Variants in NEIL3 observed in about 807,000 individuals in gnomAD.
NEIL3 encodes the protein nei like DNA glycosylase 3.
Under a neutral mutation model 57.5 loss-of-function variants are expected in NEIL3, and 48 were observed. That is an observed-to-expected ratio of 0.83 (90% CI 0.66 to 1.06). The LOEUF (loss-of-function observed/expected upper bound fraction) is 1.06, where lower values mean the gene tolerates loss of function less well. NEIL3 is among the 50% of genes least tolerant of loss of function. The pLI is 0.00. For missense variants in NEIL3, 717 were observed against 739.1 expected, an observed-to-expected ratio of 0.97 and a Z score of 0.35; for synonymous variants, 261 against 253.2, an observed-to-expected ratio of 1.03 and a Z score of -0.29.
chr4:177,367,398 TCTG>T (rs1735706177), downstream of NEIL3, among the ~76,000 whole-genome samples: 1 of 150,218 alleles, frequency 6.7e-6, no homozygotes, highest in Admixed American at 6.7e-5. Flanking sequence ...TGTTCTTTCT[TCTG>T]ATGCTGCTGT....
rs546195019 is a variant in NEIL3, at chr4:177,358,419, T to C, written c.1461-2084T>C. ...GCCTCCCGGGTTCAAGGGATTCTTC[T>C]GACTCAGCCTCCCGAGTACCTGGGA... On this transcript the variant is annotated intron_variant, in intron 8 of 9. Transcript: ENST00000264596. Among the ~76,000 whole-genome samples, 712 of 152,296 alleles carry C rather than the reference T, an allele frequency of 4.7e-3. 3 individuals are homozygous for C. Among genetic ancestry groups the C allele is most frequent in the Non-Finnish European group, 7.5e-3 (513 of 68,022 alleles).
At chr4:177,345,313 A>T (rs557076983) in intron 6 of NEIL3, among the ~76,000 whole-genome samples, 1 of 152,300 alleles carries the variant, frequency 6.6e-6, no homozygotes, top group East Asian at 1.9e-4. Flanking sequence ...CACATGGGAA[A>T]GTATACAGGG....
rs1266475789 is a variant in NEIL3, at chr4:177,345,535, A to G, written c.869+3893A>G. On this transcript the variant is annotated intron_variant, in intron 6 of 9. Transcript: ENST00000264596. ...TGCACAATGTGCAGGTTTGTTACAT[A>G]TGTATACATGAGATGTTACATATGT... 4.0e-5 allele frequency among the ~76,000 whole-genome samples: 6 copies of G among 151,848 alleles called. No homozygotes were observed. The South Asian group carries it at 6.2e-4, about 16-fold the overall frequency.
Position 177,351,108 on chromosome 4 carries a change from G to A in NEIL3, c.870-272G>A, listed in dbSNP as rs1205133630. Among the ~76,000 whole-genome samples the A allele has an allele frequency of 5.5e-5, 8 of 146,194 alleles. No homozygotes were observed. The Admixed American group carries it at 5.8e-4, about 11-fold the overall frequency. On this transcript the variant is annotated intron_variant, in intron 6 of 9. Coordinates refer to ENST00000264596, the MANE Select transcript of NEIL3 (RefSeq NM_018248.3). The stretch of plus-strand genomic sequence containing the variant: ...AGTCCTAGCTACTCAGGAGATTCAG[G>A]TGGGAGGATTGTTTGAGTCCAGGAG...
intron 7 of NEIL3, 140 bp from the exon 8 acceptor site, chr4:177,353,168 T>C: frequency 1.5e-6 from 1 of 665,058 alleles, no homozygotes. Flanking sequence ...TTGTCTGAGC[T>C]AACTTTGTGT....
intron 8 of NEIL3, among the ~76,000 whole-genome samples, chr4:177,359,199 A>G (rs1382559491): frequency 6.6e-6 from 1 of 152,190 alleles, no homozygotes; most frequent in African/African-American, 2.4e-5. Context: ...TCTACCCTGG[A>G]AAAGTTACCA....
At chr4:177,339,164 A>G (rs1437467526) in intron 4 of NEIL3, among the ~76,000 whole-genome samples, 4 of 152,234 alleles carry the variant, frequency 2.6e-5, no homozygotes, top group South Asian at 2.1e-4. Flanking sequence ...TGACTCTTCA[A>G]AAACGTAACT....
At chr4:177,327,509 T>G (rs1734805275) in intron 2 of NEIL3, among the ~76,000 whole-genome samples, 1 of 152,214 alleles carries the variant, frequency 6.6e-6, no homozygotes, top group Admixed American at 6.5e-5. Context: ...GGTGGTTTGC[T>G]GCACCTATCA....
chr4:177,330,056 C>T (rs993122771), intron 2 of NEIL3, among the ~76,000 whole-genome samples: 12 of 152,086 alleles, frequency 7.9e-5, no homozygotes, highest in East Asian at 3.9e-4. Flanking sequence ...GGATTACAGA[C>T]GCCTGCTACC....
chr4:177,323,588 A>G (rs34231175), intron 2 of NEIL3, among the ~76,000 whole-genome samples: 77 of 152,294 alleles, frequency 5.1e-4, no homozygotes, highest in African/African-American at 1.7e-3. Context: ...TTAGTCTGGA[A>G]TTGATAACAT....
intron 2 of NEIL3, among the ~76,000 whole-genome samples, chr4:177,333,701 TC>T (rs1269017658): frequency 6.6e-6 from 1 of 152,206 alleles, no homozygotes; most frequent in African/African-American, 2.4e-5. Context: ...GGTGCTCACA[TC>T]GGGAATCATT....
At chr4:177,317,746 C>T (rs1734602477) in intron 1 of NEIL3, among the ~76,000 whole-genome samples, 1 of 151,782 alleles carries the variant, frequency 6.6e-6, no homozygotes, top group Non-Finnish European at 1.5e-5. Context: ...GGATTACAGG[C>T]ATGCACCACT....
At position 177,339,940 on chromosome 4, in the gene NEIL3, T is replaced by C. The variant is rs113043250; in HGVS notation, c.702+83T>C. 1.2e-5 allele frequency: 10 copies of C among 838,038 alleles called. No homozygotes were observed. In the African/African-American group the frequency reaches 1.7e-4, roughly 14 times the overall value. The allele number at this position is 838,038 out of a possible 1,614,324, so 51.9% of individuals were successfully genotyped here. The stretch of plus-strand genomic sequence containing the variant: ...AGTGCACCAAAAAATGTGAAAGCTG[T>C]ATATAGCCATCTAGTGGAAAGAGCA... On this transcript the variant is annotated intron_variant, in intron 5 of 9. Transcript: ENST00000264596.
intron 6 of NEIL3, among the ~76,000 whole-genome samples, chr4:177,347,773 T>C (rs898861866): frequency 6.6e-6 from 1 of 152,212 alleles, no homozygotes; most frequent in East Asian, 1.9e-4. Flanking sequence ...TGAAAAACAA[T>C]AAAAAATTAT....
intron 6 of NEIL3, among the ~76,000 whole-genome samples, chr4:177,347,708 G>A (rs909484196): frequency 6.6e-6 from 1 of 152,150 alleles, no homozygotes; most frequent in Non-Finnish European, 1.5e-5. Context: ...GATAATTTTG[G>A]AAGTTGAGTT....
chr4:177,321,337 C>T (rs1031277649), intron 1 of NEIL3, among the ~76,000 whole-genome samples: 50 of 152,012 alleles, frequency 3.3e-4, no homozygotes, highest in East Asian at 1.9e-4. Flanking sequence ...TGAGTTAATG[C>T]GTAGATGTAA....
chr4:177,329,566 A>G (rs1275370255), intron 2 of NEIL3, among the ~76,000 whole-genome samples: 1 of 152,206 alleles, frequency 6.6e-6, no homozygotes, highest in East Asian at 1.9e-4. Context: ...TAGAAATTCA[A>G]AAGATGTAAA....
chr4:177,336,735 G>A (rs1234175538), intron 4 of NEIL3, among the ~76,000 whole-genome samples: 1 of 152,186 alleles, frequency 6.6e-6, no homozygotes, highest in Non-Finnish European at 1.5e-5. Context: ...GTGGTGTATG[G>A]TAGGCATTAG....
chr4:177,354,796 A>C (rs892627962), intron 8 of NEIL3, among the ~76,000 whole-genome samples: 4 of 152,178 alleles, frequency 2.6e-5, no homozygotes, highest in African/African-American at 9.6e-5. Flanking sequence ...TCTTTAACTA[A>C]AAGTCCTAAA....
Sources: gnomAD v4.1 joint callset for allele counts (sites outside exome capture counted in the v4.1 genomes callset) on GRCh38, gnomAD v4.1.1 for gene constraint, MANE v1.5 for transcripts, NCBI Gene and HGNC (gene_info 2026-07-23, HGNC 2026-07-21) for gene names.